Variants in HSD17B12 observed in about 807,000 individuals in gnomAD.
HSD17B12 encodes the protein hydroxysteroid 17-beta dehydrogenase 12, also known as very-long-chain 3-oxoacyl-CoA reductase.
Under a neutral mutation model 39.3 loss-of-function variants are expected in HSD17B12, and 32 were observed. The observed-to-expected ratio is 0.81, with a 90% CI of 0.61 to 1.09. HSD17B12 has a LOEUF of 1.09. Among genes scored for constraint, HSD17B12 ranks in the 50% least tolerant of loss-of-function variants. The pLI, the probability that HSD17B12 is intolerant of heterozygous loss-of-function variation, is 0.00. For synonymous variants in HSD17B12, 150 were observed against 146.7 expected, an observed-to-expected ratio of 1.02 and a Z score of -0.16; for missense variants, 342 against 382.9, an observed-to-expected ratio of 0.89 and a Z score of 0.89.
intron 6 of HSD17B12, among the ~76,000 whole-genome samples, chr11:43,824,348 C>T (rs181735474): frequency 6.6e-6 from 1 of 152,164 alleles, no homozygotes; most frequent in Non-Finnish European, 1.5e-5. Context: ...AGAATGACAT[C>T]GACTAAATTA....
At chr11:43,689,987 TTTTTCCTCTTCACGGAA>T (rs1038498192) in intron 1 of HSD17B12, among the ~76,000 whole-genome samples, 5 of 152,124 alleles carry the variant, frequency 3.3e-5, no homozygotes, top group African/African-American at 7.2e-5. Flanking sequence ...GGGCCTTTGC[TTTTTCCTCTTCACGGAA>T]TGCTCTTCCC....
chr11:43,616,018 G>A, the HSD17B12 span, among the ~76,000 whole-genome samples: 1 of 152,084 alleles, frequency 6.6e-6, no homozygotes, highest in African/African-American at 2.4e-5. Flanking sequence ...GAGAGCGAGA[G>A]TGTAAAAAAA....
At chr11:43,682,555 A>C (rs1949758966) in intron 1 of HSD17B12, among the ~76,000 whole-genome samples, 1 of 151,768 alleles carries the variant, frequency 6.6e-6, no homozygotes, top group South Asian at 2.1e-4. Context: ...AAAAAAAAAA[A>C]AAAAAAAAAA....
chr11:43,642,966 G>C, the HSD17B12 span, among the ~76,000 whole-genome samples: 57,930 of 151,758 alleles, frequency 0.38, 12,453 homozygotes, highest in East Asian at 0.74. Flanking sequence ...TACTAAATAC[G>C]TATCTTTCCA....
At chr11:43,605,136 G>A in the HSD17B12 span, among the ~76,000 whole-genome samples, 2 of 152,176 alleles carry the variant, frequency 1.3e-5, no homozygotes, top group Non-Finnish European at 2.9e-5. Context: ...ATAATTCCCC[G>A]GGATTTCTGG....
intron 3 of HSD17B12, among the ~76,000 whole-genome samples, chr11:43,778,162 G>T (rs1437977238): frequency 1.3e-5 from 2 of 152,084 alleles, no homozygotes; most frequent in South Asian, 4.1e-4. Flanking sequence ...TATCACCACC[G>T]ATCCCACAGA....
the HSD17B12 span, among the ~76,000 whole-genome samples, chr11:43,622,826 G>A: frequency 6.6e-6 from 1 of 151,852 alleles, no homozygotes; most frequent in African/African-American, 2.4e-5. Flanking sequence ...TTTTTGTGTG[G>A]GGGATTATAA....
intron 1 of HSD17B12, among the ~76,000 whole-genome samples, chr11:43,709,677 G>A (rs561402465): frequency 1.6e-4 from 24 of 152,234 alleles, no homozygotes; most frequent in Admixed American, 1.1e-3. Flanking sequence ...TTGAACAGAT[G>A]AAAGAAAACC....
At chr11:43,580,269 T>C in the HSD17B12 span, among the ~76,000 whole-genome samples, 1 of 151,848 alleles carries the variant, frequency 6.6e-6, no homozygotes, top group Non-Finnish European at 1.5e-5. Context: ...CCCTCCTTTC[T>C]TCCTCCCGCA....
intron 1 of HSD17B12, chr11:43,718,817 T>C (rs1950150000): frequency 1.1e-6 from 1 of 903,680 alleles, no homozygotes; most frequent in Admixed American, 1.7e-5. Flanking sequence ...CGCCTTCTGG[T>C]GGCCCAAGAC....
chr11:43,853,364 A>T (rs908384681), intron 9 of HSD17B12: 1 of 147,448 alleles, frequency 6.8e-6, no homozygotes, highest in Non-Finnish European at 1.5e-5. Flanking sequence ...AAAAAAAAAA[A>T]CCAGAGACAT....
the HSD17B12 span, among the ~76,000 whole-genome samples, chr11:43,668,840 C>A: frequency 6.6e-6 from 1 of 151,846 alleles, no homozygotes; most frequent in East Asian, 1.9e-4. Flanking sequence ...TGTGTGCCAC[C>A]ATGTCCAGCT....
intron 1 of HSD17B12, among the ~76,000 whole-genome samples, chr11:43,747,943 C>A (rs1016595525): frequency 7.2e-5 from 11 of 151,976 alleles, no homozygotes; most frequent in African/African-American, 2.4e-4. Context: ...TTTTGAGTAC[C>A]CTGCGGGTGG....
intron 1 of HSD17B12, among the ~76,000 whole-genome samples, chr11:43,722,612 C>T (rs1258048302): frequency 4.0e-5 from 6 of 151,768 alleles, no homozygotes; most frequent in Non-Finnish European, 7.4e-5. Context: ...TTTGGGAGGC[C>T]GAGATGGGTG....
At chr11:43,842,546 C>G (rs973612973) in intron 9 of HSD17B12, among the ~76,000 whole-genome samples, 1 of 152,164 alleles carries the variant, frequency 6.6e-6, no homozygotes, top group African/African-American at 2.4e-5. Flanking sequence ...CTTTCCTTGA[C>G]ACCAGTCATT....
chr11:43,645,535 TAG>T, the HSD17B12 span: 29 of 152,232 alleles, frequency 1.9e-4, no homozygotes, highest in Non-Finnish European at 3.7e-4. Context: ...AAATGATTTA[TAG>T]AGAGAGTAAA....
At chr11:43,825,220 C>A (rs1325295330) in intron 6 of HSD17B12, among the ~76,000 whole-genome samples, 1 of 152,026 alleles carries the variant, frequency 6.6e-6, no homozygotes, top group African/African-American at 2.4e-5. Context: ...GAGTATGAGA[C>A]CCTTTGCATG....
At chr11:43,811,577 C>T (rs933052476) in intron 4 of HSD17B12, among the ~76,000 whole-genome samples, 1 of 151,970 alleles carries the variant, frequency 6.6e-6, no homozygotes, top group African/African-American at 2.4e-5. Flanking sequence ...AACAGGTTTT[C>T]TCTCTTTTTT....
the HSD17B12 span, among the ~76,000 whole-genome samples, chr11:43,667,651 A>T: frequency 1.3e-5 from 2 of 152,036 alleles, no homozygotes; most frequent in Admixed American, 1.3e-4. Context: ...TCTAAACACG[A>T]AATTCATTCA....
Sources: gnomAD v4.1 joint callset for allele counts (sites outside exome capture counted in the v4.1 genomes callset) on GRCh38, gnomAD v4.1.1 for gene constraint, MANE v1.5 for transcripts, NCBI Gene and HGNC (gene_info 2026-07-23, HGNC 2026-07-21) for gene names.